The following TEK variants were observed in gnomAD, a reference collection of about 807,000 sequenced individuals.
TEK encodes TEK receptor tyrosine kinase.
TEK carries 43 observed loss-of-function variants against 131.8 expected under a neutral mutation model. The observed-to-expected ratio is 0.33, with a 90% CI of 0.26 to 0.42. The LOEUF (loss-of-function observed/expected upper bound fraction) is 0.42. Ranked by LOEUF, TEK falls within the 10% of genes least tolerant of loss-of-function variation. TEK has a pLI of 1.00. For synonymous variants in TEK, 580 were observed against 491.6 expected (o/e 1.18, Z -2.38); for missense variants, 1,162 against 1,384.4 (o/e 0.84, Z 2.55).
intron 1 of TEK, among the ~76,000 whole-genome samples, chr9:27,111,788 C>T (rs1056083986): frequency 5.3e-5 from 8 of 151,750 alleles, no homozygotes; most frequent in Non-Finnish European, 1.2e-4. Flanking sequence ...ATGTAGAAAA[C>T]TAACAAAAAA....
intron 2 of TEK, among the ~76,000 whole-genome samples, chr9:27,168,261 T>A (rs1157027360): frequency 6.6e-6 from 1 of 152,190 alleles, no homozygotes; most frequent in African/African-American, 2.4e-5. Flanking sequence ...GGCATATTGT[T>A]TGTATATATT....
chr9:27,158,660 C>CTT (rs71492736), intron 2 of TEK, among the ~76,000 whole-genome samples: 2 of 136,442 alleles, frequency 1.5e-5, no homozygotes, highest in African/African-American at 5.4e-5. Flanking sequence ...CTTTCTTTTC[C>CTT]TTTTTTTTTT....
intron 2 of TEK, among the ~76,000 whole-genome samples, chr9:27,167,924 A>G (rs539145750): frequency 7.2e-5 from 11 of 152,096 alleles, no homozygotes; most frequent in East Asian, 5.8e-4. Flanking sequence ...CATAGTTAAT[A>G]TAGTTTATTG....
chr9:27,221,802 G>A (rs574080003), intron 21 of TEK, among the ~76,000 whole-genome samples: 11 of 152,280 alleles, frequency 7.2e-5, no homozygotes, highest in Admixed American at 2.0e-4. Flanking sequence ...GTGCAAAACC[G>A]CTGAAAATTC....
intron 16 of TEK, 124 bp from the exon 17 acceptor site, chr9:27,212,583 G>A: frequency 1.0e-6 from 1 of 979,068 alleles, no homozygotes; most frequent in South Asian, 1.4e-5. Flanking sequence ...TGCTCCCTGG[G>A]TGGTGTTGCT....
intron 2 of TEK, among the ~76,000 whole-genome samples, chr9:27,162,825 C>T (rs1823591830): frequency 1.3e-5 from 2 of 152,148 alleles, no homozygotes; most frequent in South Asian, 4.2e-4. Flanking sequence ...AAGTGATTCT[C>T]CTGCCTCAGC....
intron 21 of TEK, among the ~76,000 whole-genome samples, chr9:27,222,546 T>G (rs1826128815): frequency 6.6e-6 from 1 of 151,634 alleles, no homozygotes; most frequent in African/African-American, 2.4e-5. Flanking sequence ...CAGAAGAGAG[T>G]GGGGGCCAGT....
chr9:27,226,847 T>C (rs1363745971), intron 21 of TEK, among the ~76,000 whole-genome samples: 1 of 152,142 alleles, frequency 6.6e-6, no homozygotes, highest in Non-Finnish European at 1.5e-5. Context: ...TTCCCAGAAC[T>C]ATCCGTGGTA....
intron 1 of TEK, among the ~76,000 whole-genome samples, chr9:27,147,296 A>C (rs996365614): frequency 2.6e-5 from 4 of 151,882 alleles, no homozygotes; most frequent in African/African-American, 9.7e-5. Context: ...GGTTTGTAGC[A>C]GTATCTCATT....
intron 11 of TEK, chr9:27,195,541 G>T: frequency 2.4e-6 from 1 of 422,376 alleles, no homozygotes; most frequent in South Asian, 1.7e-5. Context: ...CCCCATAGGA[G>T]TGATTGTGTC....
At chr9:27,224,029 T>C (rs575255548) in intron 21 of TEK, among the ~76,000 whole-genome samples, 1 of 152,218 alleles carries the variant, frequency 6.6e-6, no homozygotes, top group South Asian at 2.1e-4. Context: ...GATAAATTCA[T>C]GGACACATAC....
At chr9:27,171,119 T>C (rs113110643) in intron 4 of TEK, among the ~76,000 whole-genome samples, 3,036 of 152,230 alleles carry the variant, frequency 0.02, 98 homozygotes, top group African/African-American at 0.07. Context: ...AGTAAAAACT[T>C]TTTTTCTCCA....
intron 1 of TEK, among the ~76,000 whole-genome samples, chr9:27,122,405 AG>A (rs1396532982): frequency 6.6e-6 from 1 of 152,180 alleles, no homozygotes; most frequent in Non-Finnish European, 1.5e-5. Context: ...TTCTAGGCAG[AG>A]GGGAAAGCAT....
At chr9:27,167,443 G>T (rs186813481) in intron 2 of TEK, among the ~76,000 whole-genome samples, 1 of 152,056 alleles carries the variant, frequency 6.6e-6, no homozygotes, top group African/African-American at 2.4e-5. Context: ...GGCCAGGCTC[G>T]TCTCGAACTC....
At chr9:27,200,815 C>A (rs1825189175) in intron 12 of TEK, among the ~76,000 whole-genome samples, 2 of 152,042 alleles carry the variant, frequency 1.3e-5, no homozygotes, top group African/African-American at 4.8e-5. Context: ...TTGACCCTTA[C>A]AATGACTTTT....
chr9:27,142,443 C>T (rs989265737), intron 1 of TEK, among the ~76,000 whole-genome samples: 4 of 152,288 alleles, frequency 2.6e-5, no homozygotes, highest in African/African-American at 9.6e-5. Flanking sequence ...AAGCAAAGTC[C>T]TGAAAGTTGG....
chr9:27,173,723 G>GTT (rs71492737), intron 6 of TEK, among the ~76,000 whole-genome samples: 65 of 92,022 alleles, frequency 7.1e-4, no homozygotes, highest in South Asian at 2.4e-3. Context: ...TAGAAGACTT[G>GTT]TTTTTTTTTT....
At chr9:27,196,651 C>T (rs1455175300) in intron 11 of TEK, among the ~76,000 whole-genome samples, 1 of 151,794 alleles carries the variant, frequency 6.6e-6, no homozygotes, top group African/African-American at 2.4e-5. Context: ...GAAGCATCTG[C>T]TTTTGGGGAG....
intron 1 of TEK, among the ~76,000 whole-genome samples, chr9:27,143,980 G>C (rs1398917375): frequency 6.6e-6 from 1 of 152,150 alleles, no homozygotes; most frequent in Non-Finnish European, 1.5e-5. Context: ...AGGGAGTATA[G>C]CTCATGAAAA....
Sources: allele counts gnomAD v4.1 joint callset (sites outside exome capture counted in the v4.1 genomes callset), GRCh38; gene constraint gnomAD v4.1.1; transcripts MANE v1.5; gene names NCBI Gene and HGNC (gene_info 2026-07-23, HGNC 2026-07-21).